The following ANO3 variants were observed in gnomAD, a reference collection of about 807,000 sequenced individuals.
The protein encoded by ANO3 is anoctamin 3.
Under a neutral mutation model 144.8 loss-of-function variants are expected in ANO3, and 99 were observed. The observed-to-expected ratio is 0.68, with a 90% CI of 0.58 to 0.81. The LOEUF is 0.81. ANO3 is among the 30% of genes least tolerant of loss of function. The pLI, the probability that ANO3 is intolerant of heterozygous loss-of-function variation, is 0.00. For missense variants in ANO3, 905 were observed against 1,202.2 expected, an observed-to-expected ratio of 0.75 and a Z score of 3.66; for synonymous variants, 414 against 392.6, an observed-to-expected ratio of 1.05 and a Z score of -0.64.
intron 12 of ANO3, among the ~76,000 whole-genome samples, chr11:26,550,089 G>A (rs1396999951): frequency 6.6e-6 from 1 of 151,122 alleles, no homozygotes; most frequent in Non-Finnish European, 1.5e-5. Flanking sequence ...ACTTTGTCAG[G>A]CAATATATCT....
chr11:26,393,245 C>G lies in ANO3; in HGVS notation c.47-48673C>G, dbSNP rs1856926390. On this transcript the variant is annotated intron_variant, in intron 1 of 26. Transcript: ENST00000256737. The stretch of plus-strand genomic sequence containing the variant: ...ATCTCTGTCTGTTACTCCTTATACC[C>G]TATACAGTCCTCATCTTGACCTGCT... Among the ~76,000 whole-genome samples the G allele has an allele frequency of 1.3e-5, 2 of 152,058 alleles. 1 individual carries two copies. The highest frequency in any genetic ancestry group is 4.1e-4 in the South Asian group (2 of 4,832).
intron 4 of ANO3, among the ~76,000 whole-genome samples, chr11:26,483,421 G>A (rs1165686569): frequency 1.3e-5 from 2 of 152,134 alleles, no homozygotes; most frequent in African/African-American, 4.8e-5. Flanking sequence ...TCATGGGGAT[G>A]GACTTTCCCC....
At chr11:26,649,796 T>G (rs1853468963) in intron 24 of ANO3, among the ~76,000 whole-genome samples, 1 of 152,172 alleles carries the variant, frequency 6.6e-6, no homozygotes, top group Admixed American at 6.5e-5. Flanking sequence ...AAATAAGATC[T>G]TATGAACTCT....
intron 1 of ANO3, among the ~76,000 whole-genome samples, chr11:26,436,755 A>G (rs1858310271): frequency 6.6e-6 from 1 of 152,146 alleles, no homozygotes; most frequent in Non-Finnish European, 1.5e-5. Context: ...ACAATAGCTA[A>G]GACTGTGAAA....
intron 1 of ANO3, among the ~76,000 whole-genome samples, chr11:26,418,360 G>T (rs1190402990): frequency 6.6e-6 from 1 of 152,016 alleles, no homozygotes; most frequent in Non-Finnish European, 1.5e-5. Flanking sequence ...CGTATTTTTA[G>T]TTTTTTAAAA....
chr11:26,599,749 A>G (rs778588683), intron 17 of ANO3, 35 bp downstream of exon 17: 1 of 1,584,104 alleles, frequency 6.3e-7, no homozygotes, highest in South Asian at 1.1e-5. Flanking sequence ...CAGTAGACAA[A>G]AAAGGGGTGG....
intron 1 of ANO3, among the ~76,000 whole-genome samples, chr11:26,246,158 T>G (rs992006627): frequency 6.6e-6 from 1 of 152,124 alleles, no homozygotes; most frequent in Admixed American, 6.5e-5. Context: ...AAGCACCGTA[T>G]TTGTGGGTAT....
intron 1 of ANO3, among the ~76,000 whole-genome samples, chr11:26,205,718 G>T (rs1356822250): frequency 6.6e-6 from 1 of 152,020 alleles, no homozygotes; most frequent in East Asian, 1.9e-4. Flanking sequence ...CCTCATAAAC[G>T]GTATACTGTA....
At chr11:26,579,518 C>T (rs900979787) in intron 14 of ANO3, among the ~76,000 whole-genome samples, 37 of 152,180 alleles carry the variant, frequency 2.4e-4, no homozygotes, top group African/African-American at 8.4e-4. Flanking sequence ...AAGGACTATA[C>T]ATACCTTAAA....
At chr11:26,371,693 A>G (rs2085878) in intron 1 of ANO3, among the ~76,000 whole-genome samples, 40,636 of 152,184 alleles carry the variant, frequency 0.27, 6,101 homozygotes, top group African/African-American at 0.41. Flanking sequence ...GATATGAGCC[A>G]TGGAGTCAAA....
chr11:26,543,516 T>C (rs1849698666), intron 11 of ANO3, among the ~76,000 whole-genome samples: 1 of 152,166 alleles, frequency 6.6e-6, no homozygotes, highest in African/African-American at 2.4e-5. Context: ...CGTGCAGGTT[T>C]GTTACATATG....
chr11:26,231,675 T>G (rs1037747166), intron 1 of ANO3, among the ~76,000 whole-genome samples: 1 of 152,210 alleles, frequency 6.6e-6, no homozygotes, highest in Non-Finnish European at 1.5e-5. Flanking sequence ...GAAAGCTACT[T>G]AAGTTCTCTA....
chr11:26,534,564 T>C lies in ANO3; in HGVS notation c.976+2T>C, dbSNP rs2134190702. On this transcript the variant is annotated splice_donor_variant, in intron 9 of 26. Transcript: ENST00000256737. LOFTEE classifies it high-confidence loss of function. ...ATGAAAATGGAATATCAAAAGTGGG[T>C]AAGAACATTAATTAATAACAGAGTA... The C allele has an allele frequency of 6.3e-7, 1 of 1,590,350 alleles. No homozygotes were observed. The highest frequency in any genetic ancestry group is 2.2e-5 in the East Asian group (1 of 44,654).
In ANO3 at chr11:26,406,253, A is replaced by T. The variant is rs577222043; in HGVS notation, c.47-35665A>T. ...TTAGCAGAAGAGCAGAGAGCAAGAC[A>T]GTGCTGTCATCCACCTTGAGCCCTT... On this transcript the variant is annotated intron_variant, in intron 1 of 26. Coordinates refer to ENST00000256737, the MANE Select transcript of ANO3 (RefSeq NM_031418.4). Among the ~76,000 whole-genome samples, 13 of 151,960 alleles carry T rather than the reference A, an allele frequency of 8.6e-5. No homozygotes were observed. The South Asian group carries it at 1.2e-3, about 15-fold the overall frequency.
chr11:26,553,748 G>T (rs1023068532), intron 13 of ANO3, among the ~76,000 whole-genome samples: 2 of 152,066 alleles, frequency 1.3e-5, no homozygotes, highest in Admixed American at 1.3e-4. Flanking sequence ...ATTGCTGCCT[G>T]TTAGAATTAA....
intron 4 of ANO3, among the ~76,000 whole-genome samples, chr11:26,507,283 AC>A (rs1352871632): frequency 1.3e-5 from 2 of 152,220 alleles, no homozygotes; most frequent in Non-Finnish European, 2.9e-5. Context: ...AAGTTAGGCA[AC>A]AGTTTTCAAA....
intron 1 of ANO3, among the ~76,000 whole-genome samples, chr11:26,397,896 G>A (rs9943473): frequency 0.27 from 40,033 of 150,800 alleles, 5,934 homozygotes; most frequent in African/African-American, 0.4. Context: ...CCAATCTCTT[G>A]TGGAGTGTGA....
chr11:26,518,526 A>C lies in ANO3; in HGVS notation c.692+1599A>C, dbSNP rs1861945192. Reference sequence around the variant, plus strand: ...TAAAAATATTCTGAAATTCAATTTGAAAACATTTTCTGTGAGCCTTACAAC... The same window carrying C: ...TAAAAATATTCTGAAATTCAATTTGCAAACATTTTCTGTGAGCCTTACAAC... On this transcript the variant is annotated intron_variant, in intron 6 of 26. Coordinates refer to ENST00000256737, the MANE Select transcript of ANO3 (RefSeq NM_031418.4). Among the ~76,000 whole-genome samples, 4 of 151,662 alleles carry C rather than the reference A, an allele frequency of 2.6e-5. No individual in the cohort carries two copies. The Admixed American group carries it at 2.6e-4, about 10-fold the overall frequency.
intron 1 of ANO3, among the ~76,000 whole-genome samples, chr11:26,411,711 G>A (rs895616815): frequency 3.7e-5 from 5 of 135,240 alleles, no homozygotes; most frequent in Admixed American, 8.5e-5. Context: ...TTAGATGAGT[G>A]TATGCAGAAT....
Sources: allele counts gnomAD v4.1 joint callset (sites outside exome capture counted in the v4.1 genomes callset), GRCh38; gene constraint gnomAD v4.1.1; transcripts MANE v1.5; gene names NCBI Gene and HGNC (gene_info 2026-07-23, HGNC 2026-07-21).